PIGG: variants seen among roughly 807,000 people sequenced by gnomAD.
PIGG encodes the protein phosphatidylinositol glycan anchor biosynthesis class G (EMM blood group).
A neutral mutation model predicts 83.2 loss-of-function variants in PIGG; 70 were observed. The ratio of observed to expected loss-of-function variants is 0.84; its 90% confidence interval spans 0.69 to 1.03. PIGG has a LOEUF of 1.03. Among genes scored for constraint, PIGG ranks in the 50% least tolerant of loss-of-function variants. The probability of loss-of-function intolerance (pLI) is 0.00; values close to 1 mark genes in which losing one functional copy is unlikely to be tolerated. For missense variants in PIGG, 1,257 were observed against 1,233.6 expected (o/e 1.02, Z -0.28); for synonymous variants, 532 against 519.5 (o/e 1.02, Z -0.33).
chr4:506,459 A>T (rs1439036854), intron 3 of PIGG, among the ~76,000 whole-genome samples: 2 of 152,142 alleles, frequency 1.3e-5, no homozygotes, highest in African/African-American at 4.8e-5. Flanking sequence ...CTGAGGTAGG[A>T]GCACACCAGC....
At chr4:516,606 C>G (rs1401157194) in intron 6 of PIGG, among the ~76,000 whole-genome samples, 1 of 151,976 alleles carries the variant, frequency 6.6e-6, no homozygotes, top group African/African-American at 2.4e-5. Flanking sequence ...GCCTGTAATC[C>G]CAGCACTTTG....
At position 515,971 on chromosome 4, in the gene PIGG, A is replaced by G. The variant is rs1409202554; in HGVS notation, c.902-2A>G. ...TTACTTAAAATGTTTTCTTTCTTCT[A>G]GGTGATATCCGACATCCAAAGCACG... On this transcript the variant is annotated splice_acceptor_variant, in intron 5 of 12. Transcript: ENST00000453061. LOFTEE classifies it high-confidence loss of function. The surrounding 1 kb of genome is among the most constrained non-coding windows in gnomAD (Gnocchi z 4.2). The G allele has an allele frequency of 6.2e-7, 1 of 1,611,684 alleles. No individual in the cohort carries two copies. Among genetic ancestry groups the G allele is most frequent in the South Asian group, 1.1e-5 (1 of 91,030 alleles).
chr4:533,966 G>C lies in PIGG; in HGVS notation c.2720G>C (p.Ser907Thr), dbSNP rs996615198. The change falls in exon 12 of 13, where the codon AGC (serine) becomes ACC (threonine). Residue 907 changes from serine (S) to threonine (T), a missense_variant. Physicochemically the swap from Ser to Thr is moderately conservative, Grantham distance 58. Coordinates refer to ENST00000453061, the MANE Select transcript of PIGG (RefSeq NM_001127178.3). ...LWASHLVHFL[S>T]SETRSGSALS... ...GCCAGCCACTTAGTGCACTTCCTGA[G>C]CTCAGAAACACGCAGGTGAGGCGCC... 1.2e-6 allele frequency: 2 copies of C among 1,614,152 alleles called. No individual in the cohort carries two copies. Among genetic ancestry groups the C allele is most frequent in the Non-Finnish European group, 1.7e-6 (2 of 1,179,984 alleles).
In PIGG at chr4:508,906, CTCCTCCACCGAGGA is replaced by C; in HGVS notation, c.838_851del (p.Ser280GlyfsTer13). 2 of 1,613,310 alleles carry C rather than the reference CTCCTCCACCGAGGA, an allele frequency of 1.2e-6. No individual in the cohort carries two copies. Among genetic ancestry groups the C allele is most frequent in the Non-Finnish European group, 1.7e-6 (2 of 1,179,290 alleles). On this transcript the variant is annotated frameshift_variant, in exon 5 of 13. Transcript: ENST00000453061. LOFTEE classifies it high-confidence loss of function. ...TGTCTGAAACAGGAAGTCACGGGGC[CTCCTCCACCGAGGA>C]GGTGAATACACCTCTGATTTTAATC...
In PIGG at chr4:519,252, C is replaced by T. The variant is rs532915017; in HGVS notation, c.1115-1804C>T. ...TCTGTGAGCCCTACTGGATCCAAGC[C>T]CCAGCAGGCAAGGATTGCACCTGCT... On this transcript the variant is annotated intron_variant, in intron 6 of 12. Coordinates refer to ENST00000453061, the MANE Select transcript of PIGG (RefSeq NM_001127178.3). Among the ~76,000 whole-genome samples, 4 of 152,320 alleles carry T rather than the reference C, an allele frequency of 2.6e-5. No homozygotes were observed. The South Asian group carries it at 6.2e-4, about 24-fold the overall frequency.
At chr4:533,230 T>C (rs1330608584) in intron 11 of PIGG, 1 of 156,920 alleles carries the variant, frequency 6.4e-6, no homozygotes, top group Admixed American at 6.1e-5. Flanking sequence ...TGAGTCCTCA[T>C]GGTCTGATAC....
Position 528,454 on chromosome 4 carries a change from A to G in PIGG, c.2261+1224A>G. Reference sequence around the variant, plus strand: ...GTGGGGCTCCGGGGGCACCCCTGGAAGTACTTCCTGGCTGAGTGGGGAGTA... The same window carrying G: ...GTGGGGCTCCGGGGGCACCCCTGGAGGTACTTCCTGGCTGAGTGGGGAGTA... On this transcript the variant is annotated intron_variant, in intron 10 of 12. Coordinates refer to ENST00000453061, the MANE Select transcript of PIGG (RefSeq NM_001127178.3). The surrounding 1 kb of genome is among the most constrained non-coding windows in gnomAD (Gnocchi z 4.8). 1.0e-6 allele frequency: 1 copy of G among 985,304 alleles called. No individual in the cohort carries two copies. The highest frequency in any genetic ancestry group is 1.2e-6 in the Non-Finnish European group (1 of 829,886). 61.0% of individuals were successfully genotyped at this position (985,304 alleles called of 1,614,324 possible). A position where few individuals can be genotyped will look rare whatever the true frequency, so the allele number is the denominator to read the frequency against.
At chr4:500,998 A>C in intron 2 of PIGG, 1 of 396,998 alleles carries the variant, frequency 2.5e-6, no homozygotes, top group Non-Finnish European at 4.9e-6. Context: ...AAACTCAGAT[A>C]AGTTAAATGT....
Position 539,528 on chromosome 4 carries a change from TAC to T in PIGG, c.*161_*162del. On this transcript the variant is annotated 3_prime_UTR_variant, in exon 13 of 13. Coordinates refer to ENST00000453061, the MANE Select transcript of PIGG (RefSeq NM_001127178.3). ...AGTTTAATAAAAGATCACTTTAATATACAGTTTGTATCATATTTTCCCCCATT... is the reference window on the plus strand; with the variant it reads ...AGTTTAATAAAAGATCACTTTAATATAGTTTGTATCATATTTTCCCCCATT... 1.7e-6 allele frequency: 1 copy of T among 601,328 alleles called. No homozygotes were observed. 37.2% of individuals were successfully genotyped at this position (601,328 alleles called of 1,614,324 possible).
rs1284427861 is a variant in PIGG, at chr4:530,427, C to T, written c.2262-9C>T. 6.3e-7 allele frequency: 1 copy of T among 1,599,976 alleles called. No homozygotes were observed. Among genetic ancestry groups the T allele is most frequent in the Non-Finnish European group, 8.5e-7 (1 of 1,170,174 alleles). On this transcript the variant is annotated splice_polypyrimidine_tract_variant and intron_variant, in intron 10 of 12. Coordinates refer to ENST00000453061, the MANE Select transcript of PIGG (RefSeq NM_001127178.3). ...GCTAATGAATCTAACTTGTTTTGCT[C>T]TTTTTTAGGGGTATTATTGAAGCTC...
intron 6 of PIGG, among the ~76,000 whole-genome samples, chr4:520,435 C>T (rs1725444950): frequency 6.6e-6 from 1 of 152,198 alleles, no homozygotes. Flanking sequence ...GCAGGGCATC[C>T]ATGCGCCCAG....
intron 9 of PIGG, chr4:525,423 C>T (rs1339211501): frequency 2.4e-5 from 22 of 907,028 alleles, no homozygotes; most frequent in Admixed American, 6.2e-5. Context: ...GTTGCGGTCC[C>T]GTCACTGCAG....
intron 10 of PIGG, chr4:527,547 G>A (rs913363566): frequency 5.6e-6 from 6 of 1,072,514 alleles, no homozygotes; most frequent in Non-Finnish European, 6.8e-6. Flanking sequence ...AGACAGATGA[G>A]CGTGAATCGG....
In PIGG at chr4:515,912, G is replaced by A; in HGVS notation, c.902-61G>A. 3.0e-6 allele frequency: 4 copies of A among 1,331,758 alleles called. No homozygotes were observed. Among genetic ancestry groups the A allele is most frequent in the Non-Finnish European group, 4.3e-6 (4 of 924,296 alleles). The allele number at this position is 1,331,758 out of a possible 1,614,324, so 82.5% of individuals were successfully genotyped here. A position where few individuals can be genotyped will look rare whatever the true frequency, so the allele number is the denominator to read the frequency against. On this transcript the variant is annotated intron_variant, in intron 5 of 12. Coordinates refer to ENST00000453061, the MANE Select transcript of PIGG (RefSeq NM_001127178.3). This position sits in a 1 kb window ranked among gnomAD's most constrained non-coding sequence, Gnocchi z 4.2. ...GTTAGTTGTAGAAGGTCTAATTCAAGAATGAGTACCATCTTACACTTTCTA... is the reference window on the plus strand; with the variant it reads ...GTTAGTTGTAGAAGGTCTAATTCAAAAATGAGTACCATCTTACACTTTCTA...
chr4:506,327 A>G (rs1220240859), intron 3 of PIGG, among the ~76,000 whole-genome samples: 3 of 152,206 alleles, frequency 2.0e-5, no homozygotes, highest in Non-Finnish European at 4.4e-5. Flanking sequence ...GTTCTGCTGC[A>G]AGCGGAGCCT....
At chr4:532,952 G>C (rs1729431886) in intron 11 of PIGG, 2 of 154,218 alleles carry the variant, frequency 1.3e-5, no homozygotes, top group African/African-American at 2.4e-5. Flanking sequence ...TGTGGTCTTG[G>C]AGTGGAGAGG....
intron 1 of PIGG, chr4:500,174 A>T (rs1472448569): frequency 4.0e-5 from 23 of 571,064 alleles, no homozygotes; most frequent in Non-Finnish European, 6.9e-5. Flanking sequence ...TACTGAGGAT[A>T]ATTCACTGCT....
At chr4:512,571 C>T (rs1250855767) in intron 5 of PIGG, among the ~76,000 whole-genome samples, 3 of 151,918 alleles carry the variant, frequency 2.0e-5, no homozygotes, top group Non-Finnish European at 4.4e-5. Flanking sequence ...AATCCCAGCA[C>T]TTTGGGAGGC....
At chr4:516,408 A>AT (rs1723870783) in intron 6 of PIGG, among the ~76,000 whole-genome samples, 1 of 152,246 alleles carries the variant, frequency 6.6e-6, no homozygotes, top group South Asian at 2.1e-4. Flanking sequence ...AAATTTATTC[A>AT]TTCAACAACT....
Sources: allele counts gnomAD v4.1 joint callset (sites outside exome capture counted in the v4.1 genomes callset), GRCh38; gene constraint gnomAD v4.1.1; non-coding constraint Gnocchi (gnomAD v3.1); transcripts MANE v1.5; gene names NCBI Gene and HGNC (gene_info 2026-07-23, HGNC 2026-07-21).